Variants in ACACA observed in about 807,000 individuals in gnomAD.
The protein encoded by ACACA is acetyl-CoA carboxylase 1.
ACACA carries 103 observed loss-of-function variants against 296.1 expected under a neutral mutation model. The ratio of observed to expected loss-of-function variants is 0.35; its 90% CI spans 0.30 to 0.41. The LOEUF (loss-of-function observed/expected upper bound fraction) is 0.41. Among genes scored for constraint, ACACA ranks in the 10% least tolerant of loss-of-function variants. ACACA has a pLI of 1.00. For missense variants in ACACA, 1,554 were observed against 2,989.7 expected (o/e 0.52, Z 11.20); for synonymous variants, 953 against 1,038.6 (o/e 0.92, Z 1.58).
intron 22 of ACACA, 88 bp downstream of exon 22, chr17:37,243,283 G>T (rs2080512149): frequency 7.2e-7 from 1 of 1,387,684 alleles, no homozygotes; most frequent in Non-Finnish European, 1.0e-6. Context: ...CATCCAAAAA[G>T]TAAGGAGGAT....
At chr17:37,403,104 T>G (rs7220707) in intron 1 of ACACA, among the ~76,000 whole-genome samples, 6,964 of 152,292 alleles carry the variant, frequency 0.046, 509 homozygotes, top group African/African-American at 0.15. Flanking sequence ...CACAGCCAAA[T>G]AAACAATTCT....
intron 50 of ACACA, among the ~76,000 whole-genome samples, chr17:37,119,543 G>A (rs1018049303): frequency 1.3e-5 from 2 of 150,602 alleles, no homozygotes; most frequent in African/African-American, 4.9e-5. Context: ...AGTATAAAAT[G>A]TGGTAGTTCT....
chr17:37,372,876 A>AT (rs57452316), intron 1 of ACACA, among the ~76,000 whole-genome samples: 3,094 of 143,752 alleles, frequency 0.022, 95 homozygotes, highest in African/African-American at 0.066. Context: ...CTACACTTGG[A>AT]TTTTTTTTTT....
intron 41 of ACACA, among the ~76,000 whole-genome samples, chr17:37,174,018 A>ATTTTTTTT (rs2077008643): frequency 2.6e-4 from 4 of 15,428 alleles, no homozygotes; most frequent in African/African-American, 1.1e-3. Flanking sequence ...ATATATATAT[A>ATTTTTTTT]TATTTTTTTT....
At chr17:37,376,773 G>C (rs1376128200) in intron 1 of ACACA, among the ~76,000 whole-genome samples, 1 of 152,066 alleles carries the variant, frequency 6.6e-6, no homozygotes, top group Admixed American at 6.6e-5. Flanking sequence ...TGGCCAACAT[G>C]GCGAAACCCC....
At chr17:37,333,516 G>A (rs1462056713) in intron 2 of ACACA, among the ~76,000 whole-genome samples, 2 of 152,024 alleles carry the variant, frequency 1.3e-5, no homozygotes, top group African/African-American at 2.4e-5. Context: ...ATAGAATGGG[G>A]AACCTCACGG....
chr17:37,308,490 A>T (rs1351343100), intron 3 of ACACA, among the ~76,000 whole-genome samples: 3 of 152,182 alleles, frequency 2.0e-5, no homozygotes, highest in Non-Finnish European at 4.4e-5. Context: ...GACATGAAAA[A>T]CAAGCATATT....
At chr17:37,308,169 CA>C in intron 3 of ACACA, among the ~76,000 whole-genome samples, 1 of 152,090 alleles carries the variant, frequency 6.6e-6, no homozygotes, top group East Asian at 1.9e-4. Context: ...AAATCAATAA[CA>C]AAGGTAATAA....
At chr17:37,312,700 C>T (rs1420496731) in intron 3 of ACACA, among the ~76,000 whole-genome samples, 1 of 152,166 alleles carries the variant, frequency 6.6e-6, no homozygotes, top group Non-Finnish European at 1.5e-5. Flanking sequence ...AGATAATGAA[C>T]ACCTACATAA....
chr17:37,333,318 G>A (rs916280679), intron 2 of ACACA, among the ~76,000 whole-genome samples: 14 of 151,946 alleles, frequency 9.2e-5, no homozygotes, highest in African/African-American at 3.4e-4. Flanking sequence ...TAAAGAGGTG[G>A]CAGTCTTACA....
chr17:37,110,019 A>G (rs1287339400), intron 52 of ACACA, among the ~76,000 whole-genome samples: 1 of 152,216 alleles, frequency 6.6e-6, no homozygotes, highest in Non-Finnish European at 1.5e-5. Flanking sequence ...GCAGTGATCC[A>G]GAAGAAGACC....
intron 40 of ACACA, among the ~76,000 whole-genome samples, chr17:37,180,279 G>C (rs1023683954): frequency 6.6e-6 from 1 of 152,152 alleles, no homozygotes; most frequent in African/African-American, 2.4e-5. Flanking sequence ...TGCTATAAAA[G>C]GGAAATACCG....
chr17:37,396,529 T>C (rs370938035), intron 1 of ACACA, among the ~76,000 whole-genome samples: 2 of 152,102 alleles, frequency 1.3e-5, no homozygotes, highest in African/African-American at 4.8e-5. Flanking sequence ...AGTGCAACGG[T>C]GGTTTCAGGA....
At chr17:37,331,564 T>C (rs967595647) in intron 2 of ACACA, among the ~76,000 whole-genome samples, 7 of 152,058 alleles carry the variant, frequency 4.6e-5, no homozygotes, top group Non-Finnish European at 8.8e-5. Context: ...CCCACCACCA[T>C]GCCCGGCTGA....
At chr17:37,223,658 G>T in intron 27 of ACACA, 57 bp from the exon 28 acceptor site, 1 of 1,270,282 alleles carries the variant, frequency 7.9e-7, no homozygotes, top group South Asian at 1.2e-5. Flanking sequence ...AATTTCAATG[G>T]ACACTATTTG....
chr17:37,333,206 C>T (rs906992333), intron 2 of ACACA, among the ~76,000 whole-genome samples: 1 of 152,124 alleles, frequency 6.6e-6, no homozygotes, highest in Non-Finnish European at 1.5e-5. Context: ...GTCCTCCATG[C>T]CCATGCAGCA....
intron 29 of ACACA, among the ~76,000 whole-genome samples, chr17:37,217,004 C>T (rs1180654974): frequency 3.3e-5 from 5 of 151,792 alleles, no homozygotes; most frequent in Non-Finnish European, 7.4e-5. Context: ...GGCTCACGCT[C>T]GTAATCCCAG....
chr17:37,148,212 G>A (rs1283838302), intron 45 of ACACA, among the ~76,000 whole-genome samples: 1 of 150,236 alleles, frequency 6.7e-6, no homozygotes, highest in African/African-American at 2.5e-5. Flanking sequence ...TCCTAAGAAG[G>A]TATCCAAAAG....
At position 37,122,658 on chromosome 17, in the gene ACACA, A is replaced by C. The variant is rs767049164; in HGVS notation, c.6042-31T>G. 5.7e-6 allele frequency: 9 copies of C among 1,568,260 alleles called. No homozygotes were observed. In the African/African-American group the frequency reaches 1.2e-4, roughly 21 times the overall value. On this transcript the variant is annotated intron_variant, in intron 48 of 55. Transcript: ENST00000616317. ...AAAACATGAGTCACATAAGAACCCA[A>C]TGTATGTCAACATTATAGCTAGCCA...
Sources: allele counts gnomAD v4.1 joint callset (sites outside exome capture counted in the v4.1 genomes callset), GRCh38; gene constraint gnomAD v4.1.1; transcripts MANE v1.5; gene names NCBI Gene and HGNC (gene_info 2026-07-23, HGNC 2026-07-21).